Variants in CHAF1A observed in about 807,000 individuals in gnomAD.
CHAF1A encodes CAF-1 subunit A.
A neutral mutation model predicts 93.2 loss-of-function variants in CHAF1A; 5 were observed. That is an observed-to-expected ratio of 0.05 (90% CI 0.03 to 0.11). CHAF1A has a LOEUF of 0.11. Among genes scored for constraint, CHAF1A ranks in the 10% least tolerant of loss-of-function variants. The probability of loss-of-function intolerance (pLI) is 1.00; values close to 1 mark genes in which losing one functional copy is unlikely to be tolerated. For missense variants in CHAF1A, 1,102 were observed against 1,259.9 expected, an observed-to-expected ratio of 0.87 and a Z score of 1.90; for synonymous variants, 504 against 510.3, an observed-to-expected ratio of 0.99 and a Z score of 0.17.
At chr19:4,411,894 T>C (rs1438753121) in intron 3 of CHAF1A, among the ~76,000 whole-genome samples, 4 of 151,818 alleles carry the variant, frequency 2.6e-5, no homozygotes, top group Admixed American at 6.6e-5. Context: ...GGTGATCCGC[T>C]TGCCTCGGCC....
At position 4,416,768 on chromosome 19, in the gene CHAF1A, A is replaced by G. The variant is rs142618661; in HGVS notation, c.961-1252A>G. Among the ~76,000 whole-genome samples, 402 of 152,200 alleles carry G rather than the reference A, an allele frequency of 2.6e-3. 1 individual carries two copies. Among genetic ancestry groups the G allele is most frequent in the African/African-American group, 9.3e-3 (388 of 41,536 alleles). ...TAGCCAGGTGTGGTGGCACACGCCT[A>G]TAATCCCAGCTACTCAAGAAGCTGA... On this transcript the variant is annotated intron_variant, in intron 3 of 14. Transcript: ENST00000301280.
Position 4,433,582 on chromosome 19 carries a change from TTTTTTTGTTTG to T in CHAF1A, c.2673+53_2673+63del. 2 of 1,437,822 alleles carry T rather than the reference TTTTTTTGTTTG, an allele frequency of 1.4e-6. No individual in the cohort carries two copies. The highest frequency in any genetic ancestry group is 1.9e-6 in the Non-Finnish European group (2 of 1,064,588). 89.1% of individuals were successfully genotyped at this position (1,437,822 alleles called of 1,614,324 possible). On this transcript the variant is annotated intron_variant, in intron 13 of 14. Coordinates refer to ENST00000301280, the MANE Select transcript of CHAF1A (RefSeq NM_005483.3). This position sits in a 1 kb window ranked among gnomAD's most constrained non-coding sequence, Gnocchi z 5.6. ...GGTGGGGGCCTCTGCAGGGCTTTTC[TTTTTTTGTTTG>T]TTTTTTGTTGTTTTGTTTTTTTTTC...
At chr19:4,416,347 T>C (rs1381555727) in intron 3 of CHAF1A, among the ~76,000 whole-genome samples, 1 of 152,212 alleles carries the variant, frequency 6.6e-6, no homozygotes. Flanking sequence ...TCACTTCTAC[T>C]AGTTTGGTTT....
At chr19:4,450,246 GGAGAGGCCACAAAA>G in the CHAF1A span, 1 of 147,638 alleles carries the variant, frequency 6.8e-6, no homozygotes, top group Non-Finnish European at 1.5e-5. Context: ...AAAAAGCACT[GGAGAGGCCACAAAA>G]GAATTCTCTC....
Position 4,426,871 on chromosome 19 carries a change from A to T in CHAF1A, c.1378-1793A>T, listed in dbSNP as rs115813052. Reference sequence around the variant, plus strand: ...TTGGGGAGGCCAAGGCGGGTGAATCATCTGAGGTCAGGAGCTTGAGACCAG... The same window carrying T: ...TTGGGGAGGCCAAGGCGGGTGAATCTTCTGAGGTCAGGAGCTTGAGACCAG... On this transcript the variant is annotated intron_variant, in intron 7 of 14. Transcript: ENST00000301280. Among the ~76,000 whole-genome samples the T allele has an allele frequency of 5.3e-3, 803 of 152,152 alleles. 10 individuals are homozygous for T. The highest frequency in any genetic ancestry group is 0.019 in the African/African-American group (770 of 41,540).
chr19:4,429,742 A>G lies in CHAF1A; in HGVS notation c.1808A>G (p.Glu603Gly). The part of the protein sequence containing the change: ...LLDYEVDSDE[E>G]WEEEEPGESL... ...GACTATGAGGTGGACAGTGATGAGG[A>G]GTGGGAAGAAGAGGAGCCTGGGGAG... Residue 603 changes from glutamate (E) to glycine (G), a missense_variant, in exon 10 of 15, where the codon GAG becomes GGG. Glu to Gly is a moderately conservative substitution (Grantham distance 98). Around this residue, in one of 6 missense-constraint regions of CHAF1A, gnomAD observed 335 missense variants for 361.9 expected, o/e 0.93. Transcript: ENST00000301280. 3 of 1,613,926 alleles carry G rather than the reference A, an allele frequency of 1.9e-6. No homozygotes were observed. Among genetic ancestry groups the G allele is most frequent in the Non-Finnish European group, 2.5e-6 (3 of 1,179,958 alleles).
In CHAF1A at chr19:4,443,235, C is replaced by T; in HGVS notation, c.*210C>T. 3.6e-6 allele frequency: 2 copies of T among 559,060 alleles called. No homozygotes were observed. Among genetic ancestry groups the T allele is most frequent in the Non-Finnish European group, 6.5e-6 (2 of 305,696 alleles). The allele number at this position is 559,060 out of a possible 1,614,324, so 34.6% of individuals were successfully genotyped here. A position where few individuals can be genotyped will look rare whatever the true frequency, so the allele number is the denominator to read the frequency against. ...CATATGAATCTGCCCTTTAATAAAG[C>T]ATTATTGAGATTGCTGGCCTATTGG... On this transcript the variant is annotated 3_prime_UTR_variant, in exon 15 of 15. Coordinates refer to ENST00000301280, the MANE Select transcript of CHAF1A (RefSeq NM_005483.3).
chr19:4,440,304 A>G (rs1219993162), intron 13 of CHAF1A, among the ~76,000 whole-genome samples: 1 of 152,014 alleles, frequency 6.6e-6, no homozygotes, highest in Non-Finnish European at 1.5e-5. Context: ...GCAAATGGAA[A>G]CAGCTCAGGA....
At chr19:4,446,150 G>A (rs370962024), downstream of CHAF1A, 35 of 1,610,886 alleles carry the variant, frequency 2.2e-5, no homozygotes, top group African/African-American at 2.7e-5. Flanking sequence ...AGGGCCTCCC[G>A]GACGAACCCG....
At chr19:4,427,136 C>CTTTTTTTTTTTTTTTTTTTTATTT (rs1974098532) in intron 7 of CHAF1A, among the ~76,000 whole-genome samples, 1 of 31,948 alleles carries the variant, frequency 3.1e-5, no homozygotes, top group African/African-American at 1.5e-4. Context: ...AAGACCCTGT[C>CTTTTTTTTTTTTTTTTTTTTATTT]TTTTTTTTTT....
Position 4,430,502 on chromosome 19 carries a change from ACT to A in CHAF1A, c.1855-44_1855-43del, listed in dbSNP as rs767725687. The A allele has an allele frequency of 5.3e-6, 7 of 1,326,318 alleles. No homozygotes were observed. The East Asian group carries it at 1.4e-4, about 26-fold the overall frequency. The allele number at this position is 1,326,318 out of a possible 1,614,324, so 82.2% of individuals were successfully genotyped here. ...CTACTTTGTTTTTAATAAGGCACACACTCTGCTTTTCTATCTGATGAACTCTT... is the reference window on the plus strand; with the variant it reads ...CTACTTTGTTTTTAATAAGGCACACACTGCTTTTCTATCTGATGAACTCTT... On this transcript the variant is annotated intron_variant, in intron 10 of 14. Coordinates refer to ENST00000301280, the MANE Select transcript of CHAF1A (RefSeq NM_005483.3).
At chr19:4,424,360 C>G (rs1355424191) in intron 7 of CHAF1A, among the ~76,000 whole-genome samples, 1 of 152,190 alleles carries the variant, frequency 6.6e-6, no homozygotes, top group Non-Finnish European at 1.5e-5. Flanking sequence ...TCCTTCAGTG[C>G]CTTTCCCTGC....
intron 11 of CHAF1A, 22 bp downstream of exon 11, chr19:4,430,663 T>A: frequency 1.9e-6 from 3 of 1,596,454 alleles, no homozygotes; most frequent in Non-Finnish European, 2.6e-6. Flanking sequence ...AAGGGGGAGG[T>A]CACCGGCTCA....
chr19:4,436,538 C>T (rs1266288603), intron 13 of CHAF1A, among the ~76,000 whole-genome samples: 1 of 152,194 alleles, frequency 6.6e-6, no homozygotes, highest in Non-Finnish European at 1.5e-5. Flanking sequence ...ACCTGAGCAG[C>T]CTTAGAGGGA....
chr19:4,406,511 T>C (rs1439456357), intron 2 of CHAF1A, among the ~76,000 whole-genome samples: 1 of 150,540 alleles, frequency 6.6e-6, no homozygotes, highest in East Asian at 2.0e-4. Flanking sequence ...CTCTGCTCAC[T>C]GCAACCTCCG....
chr19:4,437,879 A>G (rs1233468621), intron 13 of CHAF1A, among the ~76,000 whole-genome samples: 2 of 152,070 alleles, frequency 1.3e-5, no homozygotes, highest in Non-Finnish European at 2.9e-5. Flanking sequence ...AGGTGGGACT[A>G]CAGGCGCCCA....
At chr19:4,416,130 C>T (rs1485987626) in intron 3 of CHAF1A, among the ~76,000 whole-genome samples, 2 of 151,942 alleles carry the variant, frequency 1.3e-5, no homozygotes, top group Non-Finnish European at 2.9e-5. Context: ...TCCGAGATGG[C>T]GCCACTGCAC....
In CHAF1A at chr19:4,443,119, C is replaced by CGTGAAGCAGGACAAAG; in HGVS notation, c.*94_*95insGTGAAGCAGGACAAAG. The CGTGAAGCAGGACAAAG allele has an allele frequency of 1.2e-6, 1 of 842,090 alleles. No individual in the cohort carries two copies. Among genetic ancestry groups the CGTGAAGCAGGACAAAG allele is most frequent in the Non-Finnish European group, 2.0e-6 (1 of 499,682 alleles). 52.2% of individuals were successfully genotyped at this position (842,090 alleles called of 1,614,324 possible). On this transcript the variant is annotated 3_prime_UTR_variant, in exon 15 of 15. Transcript: ENST00000301280. ...ATTCCTGTGTAAAGAGCACTTTGTC[C>CGTGAAGCAGGACAAAG]TGCTTCACGGACCTCCCCAAAGTGT...
chr19:4,408,774 C>T lies in CHAF1A; in HGVS notation c.104-129C>T. Reference sequence around the variant, plus strand: ...CAGGCATGAGCCACCACACCCGGCCCAGATAGTCCCTTTTTAAACTTTAAA... The same window carrying T: ...CAGGCATGAGCCACCACACCCGGCCTAGATAGTCCCTTTTTAAACTTTAAA... On this transcript the variant is annotated intron_variant, in intron 2 of 14. Coordinates refer to ENST00000301280, the MANE Select transcript of CHAF1A (RefSeq NM_005483.3). 7 of 1,210,288 alleles carry T rather than the reference C, an allele frequency of 5.8e-6. No individual in the cohort carries two copies. The South Asian group carries it at 7.5e-5, about 13-fold the overall frequency. The allele number at this position is 1,210,288 out of a possible 1,614,324, so 75.0% of individuals were successfully genotyped here.
Sources: gnomAD v4.1 joint callset for allele counts (sites outside exome capture counted in the v4.1 genomes callset) on GRCh38, gnomAD v4.1.1 for gene constraint, gnomAD v4.1.1 regional missense constraint, Gnocchi (gnomAD v3.1) non-coding constraint, MANE v1.5 for transcripts, NCBI Gene and HGNC (gene_info 2026-07-23, HGNC 2026-07-21) for gene names.